PTPRT: variants seen among roughly 807,000 people sequenced by gnomAD.
PTPRT encodes receptor-type tyrosine-protein phosphatase T.
Under a neutral mutation model 176.8 loss-of-function variants are expected in PTPRT, and 56 were observed. That is an observed-to-expected ratio of 0.32 (90% CI 0.26 to 0.40). The LOEUF is 0.40. PTPRT is among the 10% of genes least tolerant of loss of function. The probability of loss-of-function intolerance (pLI) is 1.00; values close to 1 mark genes in which losing one functional copy is unlikely to be tolerated. For missense variants in PTPRT, 1,540 were observed against 1,908.2 expected, an observed-to-expected ratio of 0.81 and a Z score of 3.60; for synonymous variants, 783 against 739.0, an observed-to-expected ratio of 1.06 and a Z score of -0.96.
chr20:42,036,135 T>G, the PTPRT span, among the ~76,000 whole-genome samples: 5 of 152,200 alleles, frequency 3.3e-5, no homozygotes, highest in Admixed American at 6.5e-5. Context: ...TCTAGAAAAT[T>G]TATCCACCAA....
chr20:42,155,566 T>A (rs1989315196), intron 17 of PTPRT, among the ~76,000 whole-genome samples: 1 of 152,218 alleles, frequency 6.6e-6, no homozygotes, highest in Non-Finnish European at 1.5e-5. Context: ...GAGAGTGACC[T>A]GCCTAAGGTC....
chr20:42,443,743 G>A (rs990534658), intron 9 of PTPRT, among the ~76,000 whole-genome samples: 1 of 152,054 alleles, frequency 6.6e-6, no homozygotes, highest in African/African-American at 2.4e-5. Context: ...ATGGCTCCAG[G>A]GTGCTCATCA....
rs76659717 is a variant in PTPRT, at chr20:42,607,984, C to T, written c.1153+69882G>A. Among the ~76,000 whole-genome samples the T allele has an allele frequency of 2.7e-3, 404 of 152,278 alleles. 3 individuals are homozygous for T. Among genetic ancestry groups the T allele is most frequent in the African/African-American group, 9.4e-3 (389 of 41,562 alleles). On this transcript the variant is annotated intron_variant, in intron 7 of 30. Transcript: ENST00000373187. ...GACACTGGCCGTGTGTCACAGCTTACAGAGCATCTTCATGTGCCACCCAAT... is the reference window on the plus strand; with the variant it reads ...GACACTGGCCGTGTGTCACAGCTTATAGAGCATCTTCATGTGCCACCCAAT...
At chr20:42,807,457 T>C (rs1213802043) in intron 2 of PTPRT, among the ~76,000 whole-genome samples, 1 of 152,168 alleles carries the variant, frequency 6.6e-6, no homozygotes, top group East Asian at 1.9e-4. Context: ...ATGGACTCTG[T>C]GTATGGTGGA....
At chr20:43,055,813 T>C (rs1568757437) in intron 1 of PTPRT, among the ~76,000 whole-genome samples, 2 of 152,142 alleles carry the variant, frequency 1.3e-5, no homozygotes, top group East Asian at 3.9e-4. Context: ...AGTTGTACTG[T>C]GTGATCCCCA....
chr20:42,873,341 A>G (rs1568650808), intron 2 of PTPRT, among the ~76,000 whole-genome samples: 1 of 152,206 alleles, frequency 6.6e-6, no homozygotes. Flanking sequence ...CCTACACTGC[A>G]TAGGGTTTTG....
chr20:42,492,389 G>A (rs1043553521), intron 7 of PTPRT, among the ~76,000 whole-genome samples: 1 of 152,166 alleles, frequency 6.6e-6, no homozygotes, highest in African/African-American at 2.4e-5. Context: ...ATTCAGATAG[G>A]TGTGTAGTGA....
chr20:42,173,144 T>C (rs554458053), intron 16 of PTPRT, among the ~76,000 whole-genome samples: 10 of 152,218 alleles, frequency 6.6e-5, no homozygotes, highest in Non-Finnish European at 1.0e-4. Context: ...TATTTTCATT[T>C]TGAGTAAATC....
At chr20:42,168,776 A>G (rs1316493675) in intron 16 of PTPRT, among the ~76,000 whole-genome samples, 2 of 152,214 alleles carry the variant, frequency 1.3e-5, no homozygotes, top group Non-Finnish European at 2.9e-5. Context: ...ATGTTGTAAG[A>G]ATGCTCTGTT....
intron 7 of PTPRT, among the ~76,000 whole-genome samples, chr20:42,497,242 T>C (rs1240429091): frequency 1.3e-5 from 2 of 152,198 alleles, no homozygotes; most frequent in Non-Finnish European, 2.9e-5. Flanking sequence ...GCACATCTCT[T>C]CCTGTCTTAA....
At chr20:42,215,823 G>A (rs145355333) in intron 15 of PTPRT, among the ~76,000 whole-genome samples, 26 of 117,196 alleles carry the variant, frequency 2.2e-4, no homozygotes, top group African/African-American at 6.8e-4. Context: ...CTGAATTCCA[G>A]CAACCCAAAC....
rs574082331 is a variant in PTPRT at position 42,358,496 on chromosome 20, T to C, written c.1561-6211A>G. 2.6e-5 allele frequency among the ~76,000 whole-genome samples: 4 copies of C among 152,282 alleles called. No individual in the cohort carries two copies. The South Asian group carries it at 8.3e-4, about 32-fold the overall frequency. On this transcript the variant is annotated intron_variant, in intron 9 of 30. Coordinates refer to ENST00000373187, the MANE Select transcript of PTPRT (RefSeq NM_007050.6). ...CTGTTCTGAAGGAAGGGAAGATGGC[T>C]CTTATGAGCATGTAACAGAGAAAAC...
chr20:42,939,693 C>A (rs1378935584), intron 1 of PTPRT, among the ~76,000 whole-genome samples: 1 of 151,454 alleles, frequency 6.6e-6, no homozygotes, highest in African/African-American at 2.4e-5. Flanking sequence ...GGTTTTTCTG[C>A]CTTCAAAGGG....
At chr20:42,392,400 G>A (rs185951039) in intron 9 of PTPRT, among the ~76,000 whole-genome samples, 25 of 151,690 alleles carry the variant, frequency 1.6e-4, no homozygotes, top group Admixed American at 1.2e-3. Context: ...ACTGAAGGGC[G>A]TTTGCTTTAC....
intron 15 of PTPRT, among the ~76,000 whole-genome samples, chr20:42,225,935 GAGCC>G (rs1306195261): frequency 2.0e-5 from 3 of 152,168 alleles, no homozygotes; most frequent in African/African-American, 7.2e-5. Context: ...TTAGAGGTGT[GAGCC>G]ACCGCACCAG....
rs559317654 is a variant in PTPRT at position 42,699,723 on chromosome 20, A to G, written c.860-21564T>C. Among the ~76,000 whole-genome samples, 37 of 152,230 alleles carry G rather than the reference A, an allele frequency of 2.4e-4. 1 individual carries two copies. In the South Asian group the frequency reaches 6.8e-3, roughly 28 times the overall value. On this transcript the variant is annotated intron_variant, in intron 6 of 30. Coordinates refer to ENST00000373187, the MANE Select transcript of PTPRT (RefSeq NM_007050.6). Reference sequence around the variant, plus strand: ...CATGTCTGTGTCTTTTTCCCCTACAAGAGAGTCATCACAGGGCAGGGATTA... The same window carrying G: ...CATGTCTGTGTCTTTTTCCCCTACAGGAGAGTCATCACAGGGCAGGGATTA...
In PTPRT at chr20:42,096,296, T is replaced by C. The variant is rs192860789; in HGVS notation, c.3846+2125A>G. On this transcript the variant is annotated intron_variant, in intron 27 of 30. Coordinates refer to ENST00000373187, the MANE Select transcript of PTPRT (RefSeq NM_007050.6). ...TACCCTTTTTTTGCAATTTTTATTT[T>C]TTTTATTTTTTAAGAGATGGGGTCA... Among the ~76,000 whole-genome samples the C allele has an allele frequency of 3.4e-3, 521 of 152,320 alleles. 2 individuals are homozygous for C. Among genetic ancestry groups the C allele is most frequent in the Non-Finnish European group, 4.0e-3 (275 of 68,034 alleles).
chr20:42,516,638 G>C (rs1432712559), intron 7 of PTPRT, among the ~76,000 whole-genome samples: 1 of 152,100 alleles, frequency 6.6e-6, no homozygotes, highest in East Asian at 1.9e-4. Context: ...GTTCATGTCT[G>C]CTCATTTGTA....
At chr20:42,265,126 T>C (rs1237836969) in intron 13 of PTPRT, among the ~76,000 whole-genome samples, 1 of 152,184 alleles carries the variant, frequency 6.6e-6, no homozygotes, top group African/African-American at 2.4e-5. Context: ...GATGAGAAAA[T>C]GGGGAAACTT....
Sources: gnomAD v4.1 joint callset for allele counts (sites outside exome capture counted in the v4.1 genomes callset) on GRCh38, gnomAD v4.1.1 for gene constraint, MANE v1.5 for transcripts, NCBI Gene and HGNC (gene_info 2026-07-23, HGNC 2026-07-21) for gene names.